The following ZNF76 variants were observed in gnomAD, a reference collection of about 807,000 sequenced individuals.
ZNF76 encodes the protein zinc finger protein 523.
Under a neutral mutation model 66.9 loss-of-function variants are expected in ZNF76, and 66 were observed. That is an observed-to-expected ratio of 0.99 (90% CI 0.81 to 1.21). The LOEUF (loss-of-function observed/expected upper bound fraction) is 1.21. Ranked by LOEUF, ZNF76 falls within the 50% of genes most tolerant of loss-of-function variation. The pLI is 0.00. For missense variants in ZNF76, 729 were observed against 760.3 expected, an observed-to-expected ratio of 0.96 and a Z score of 0.48; for synonymous variants, 275 against 296.1, an observed-to-expected ratio of 0.93 and a Z score of 0.73.
chr6:35,291,116 C>A, intron 7 of ZNF76, 162 bp from the exon 8 acceptor site: 2 of 845,536 alleles, frequency 2.4e-6, no homozygotes, highest in Non-Finnish European at 1.8e-6. Context: ...GGAAGCAGGG[C>A]AGAGTGGGCT....
At chr6:35,286,943 T>A (rs1220091934) in intron 4 of ZNF76, among the ~76,000 whole-genome samples, 3 of 151,762 alleles carry the variant, frequency 2.0e-5, no homozygotes, top group Non-Finnish European at 4.4e-5. Context: ...CAAACAGAGA[T>A]CAGGCTCAGG....
chr6:35,285,399 TA>T (rs1436934911), intron 2 of ZNF76, among the ~76,000 whole-genome samples: 1 of 152,258 alleles, frequency 6.6e-6, no homozygotes, highest in Non-Finnish European at 1.5e-5. Context: ...GGGCTTATAA[TA>T]AAAGCTAGGA....
rs751710296 is a variant in ZNF76 at position 35,292,655 on chromosome 6, T to G, written c.1033T>G (p.Tyr345Asp). The G allele has an allele frequency of 6.2e-7, 1 of 1,614,140 alleles. No individual in the cohort carries two copies. Among genetic ancestry groups the G allele is most frequent in the South Asian group, 1.1e-5 (1 of 91,086 alleles). The change falls in exon 10 of 14, where the codon TAC (tyrosine) becomes GAC (aspartate). Residue 345 changes from tyrosine to aspartate, a missense_variant. Tyr to Asp is a radical substitution (Grantham distance 160). Transcript: ENST00000373953. This position sits in a 1 kb window ranked among gnomAD's most constrained non-coding sequence, Gnocchi z 4.7. ...CGTGGTGCACACACACTGCAAGCCC[T>G]ACACCTGCAGCACCTGCGGCAAGAC... ...HHVVHTHCKPYTCSTCGKTYR... is the reference protein window; with the variant it reads ...HHVVHTHCKPDTCSTCGKTYR...
intron 2 of ZNF76, among the ~76,000 whole-genome samples, chr6:35,282,274 G>C (rs1445195366): frequency 6.6e-6 from 1 of 150,948 alleles, no homozygotes; most frequent in Non-Finnish European, 1.5e-5. Flanking sequence ...ATAAGTTTGA[G>C]GTCAGCCTAG....
At position 35,290,330 on chromosome 6, in the gene ZNF76, G is replaced by T. The variant is rs200299187; in HGVS notation, c.497G>T (p.Arg166Leu). The T allele has an allele frequency of 6.2e-7, 1 of 1,614,184 alleles. No individual in the cohort carries two copies. The highest frequency in any genetic ancestry group is 1.3e-5 in the African/African-American group (1 of 75,040). The change falls in exon 6 of 14, where the codon CGC (arginine) becomes CTC (leucine). Residue 166 changes from arginine to leucine, a missense_variant. Coordinates refer to ENST00000373953, the MANE Select transcript of ZNF76 (RefSeq NM_003427.5). ...CAGCAAGTTGGAGACAGAGCATTCCGCTGTGGCTACAAGGGCTGTGGGCGT... is the reference window on the plus strand; with the variant it reads ...CAGCAAGTTGGAGACAGAGCATTCCTCTGTGGCTACAAGGGCTGTGGGCGT... Reference protein sequence around the residue: ...KGQQVGDRAFRCGYKGCGRLY... With the variant: ...KGQQVGDRAFLCGYKGCGRLY...
chr6:35,276,524 T>A (rs1212538306), intron 1 of ZNF76, among the ~76,000 whole-genome samples: 1 of 152,186 alleles, frequency 6.6e-6, no homozygotes, highest in East Asian at 1.9e-4. Context: ...AGAAGTGACA[T>A]CTGAGGCTCA....
chr6:35,293,832 A>T lies in ZNF76; in HGVS notation c.1411A>T (p.Ile471Phe). Residue 471 changes from isoleucine to phenylalanine, a missense_variant, in exon 12 of 14, where the codon ATC (isoleucine) becomes TTC (phenylalanine). Ile to Phe is a conservative substitution (Grantham distance 21). Coordinates refer to ENST00000373953, the MANE Select transcript of ZNF76 (RefSeq NM_003427.5). ...CCAGCACGGCAGCACCACCCTCACCATCCCCAGTCCTGATGCCGACCTGGC... is the reference window on the plus strand; with the variant it reads ...CCAGCACGGCAGCACCACCCTCACCTTCCCCAGTCCTGATGCCGACCTGGC... The part of the protein sequence containing the change: ...VTQHGSTTLT[I>F]PSPDADLATS... 1 of 1,614,008 alleles carries T rather than the reference A, an allele frequency of 6.2e-7. No individual in the cohort carries two copies. The highest frequency in any genetic ancestry group is 8.5e-7 in the Non-Finnish European group (1 of 1,180,000).
At chr6:35,291,758 G>A in intron 9 of ZNF76, 21 bp downstream of exon 9, 1 of 1,602,020 alleles carries the variant, frequency 6.2e-7, no homozygotes, top group Non-Finnish European at 8.5e-7. Context: ...TGGCATGCGA[G>A]GACTACCCTC....
chr6:35,286,488 A>G (rs1789589518), intron 4 of ZNF76, 89 bp downstream of exon 4: 1 of 1,225,934 alleles, frequency 8.2e-7, no homozygotes. Context: ...ATGGCACACA[A>G]CTGGGGTGTA....
chr6:35,286,723 A>C (rs1789620905), intron 4 of ZNF76: 2 of 419,098 alleles, frequency 4.8e-6, no homozygotes, highest in Non-Finnish European at 8.8e-6. Context: ...AGGAAAAAAA[A>C]CTAATATTTT....
chr6:35,283,676 A>G (rs1357198053), intron 2 of ZNF76, among the ~76,000 whole-genome samples: 1 of 152,112 alleles, frequency 6.6e-6, no homozygotes, highest in Non-Finnish European at 1.5e-5. Context: ...TCTTCTCAAC[A>G]TTTTGTTTTC....
At chr6:35,283,405 T>A (rs1008316036) in intron 2 of ZNF76, among the ~76,000 whole-genome samples, 1 of 152,254 alleles carries the variant, frequency 6.6e-6, no homozygotes, top group East Asian at 1.9e-4. Context: ...CTCTGTCTGC[T>A]GGAAGCCCTA....
Position 35,283,494 on chromosome 6 carries a change from T to A in ZNF76, c.73+2270T>A, listed in dbSNP as rs982516689. ...ACCCAGCATTTTAAAAGTGGAAGAA[T>A]GTGCTATTAATAAATGCACTAGGAC... On this transcript the variant is annotated intron_variant, in intron 2 of 13. Transcript: ENST00000373953. 2.6e-5 allele frequency among the ~76,000 whole-genome samples: 4 copies of A among 152,242 alleles called. No individual in the cohort carries two copies. In the East Asian group the frequency reaches 5.8e-4, roughly 22 times the overall value.
chr6:35,264,092 A>T (rs981882253), intron 1 of ZNF76, among the ~76,000 whole-genome samples: 7 of 152,142 alleles, frequency 4.6e-5, no homozygotes, highest in African/African-American at 7.2e-5. Context: ...CCTCACATTT[A>T]GCAGGTAGTC....
At chr6:35,284,779 C>T (rs551106178) in intron 2 of ZNF76, among the ~76,000 whole-genome samples, 2 of 152,234 alleles carry the variant, frequency 1.3e-5, no homozygotes, top group Non-Finnish European at 2.9e-5. Flanking sequence ...GGCATAATCA[C>T]GGCTTACTGC....
Position 35,287,858 on chromosome 6 carries a change from A to T in ZNF76, c.432+13A>T, listed in dbSNP as rs1207759991. ...GTATGCCAGCAAGGTGAGCACGCAC[A>T]GCGTGACACGGTCTGTCACTCTAGA... On this transcript the variant is annotated intron_variant, in intron 5 of 13. Coordinates refer to ENST00000373953, the MANE Select transcript of ZNF76 (RefSeq NM_003427.5). This position sits in a 1 kb window ranked among gnomAD's most constrained non-coding sequence, Gnocchi z 4.0. 5 of 1,571,220 alleles carry T rather than the reference A, an allele frequency of 3.2e-6. No homozygotes were observed. The East Asian group carries it at 7.2e-5, about 23-fold the overall frequency.
Position 35,291,602 on chromosome 6 carries a change from T to C in ZNF76, c.796T>C (p.Phe266Leu), listed in dbSNP as rs1790391963. 1.9e-6 allele frequency: 3 copies of C among 1,614,036 alleles called. No homozygotes were observed. Among genetic ancestry groups the C allele is most frequent in the Non-Finnish European group, 1.7e-6 (2 of 1,179,920 alleles). ...QCPFEGCGRSFTTSNIRKVHV... is the reference protein window; with the variant it reads ...QCPFEGCGRSLTTSNIRKVHV... The stretch of plus-strand genomic sequence containing the variant: ...CCCTTTTGAGGGCTGTGGCCGCTCC[T>C]TCACCACATCTAACATCCGCAAGGT... The change falls in exon 9 of 14, where the codon TTC becomes CTC. Residue 266 changes from phenylalanine (F) to leucine (L), a missense_variant. Physicochemically the swap from Phe to Leu is conservative, Grantham distance 22 (BLOSUM62 0). Coordinates refer to ENST00000373953, the MANE Select transcript of ZNF76 (RefSeq NM_003427.5).
chr6:35,281,515 G>A (rs1244248514), intron 2 of ZNF76, among the ~76,000 whole-genome samples: 2 of 152,216 alleles, frequency 1.3e-5, no homozygotes, highest in African/African-American at 4.8e-5. Context: ...CACAGTGTTA[G>A]TTATGACTCC....
intron 1 of ZNF76, among the ~76,000 whole-genome samples, 152 bp downstream of exon 1, chr6:35,259,993 C>A (rs1784952496): frequency 6.6e-6 from 1 of 151,862 alleles, no homozygotes; most frequent in South Asian, 2.1e-4. Context: ...GGCCCCCTCC[C>A]CCACCCAGGG....
Sources: gnomAD v4.1 joint callset for allele counts (sites outside exome capture counted in the v4.1 genomes callset) on GRCh38, gnomAD v4.1.1 for gene constraint, Gnocchi (gnomAD v3.1) non-coding constraint, MANE v1.5 for transcripts, NCBI Gene and HGNC (gene_info 2026-07-23, HGNC 2026-07-21) for gene names.